The following SRD5A2 variants were observed in gnomAD, a reference collection of about 807,000 sequenced individuals.
SRD5A2 encodes the protein 3-oxo-5-alpha-steroid 4-dehydrogenase 2.
A neutral mutation model predicts 27.4 loss-of-function variants in SRD5A2; 30 were observed. That is an observed-to-expected ratio of 1.10 (90% CI 0.82 to 1.49). The LOEUF (loss-of-function observed/expected upper bound fraction) is 1.49. Ranked by LOEUF, SRD5A2 falls within the 40% of genes most tolerant of loss-of-function variation. The pLI is 0.00. For missense variants in SRD5A2, 348 were observed against 323.4 expected (o/e 1.08, Z -0.58); for synonymous variants, 141 against 133.6 (o/e 1.06, Z -0.38).
chr2:31,555,597 C>T (rs1386668201), intron 1 of SRD5A2, among the ~76,000 whole-genome samples: 1 of 152,146 alleles, frequency 6.6e-6, no homozygotes, highest in African/African-American at 2.4e-5. Flanking sequence ...GAGCCAAGAG[C>T]TGGAGAAAGA....
the SRD5A2 span, among the ~76,000 whole-genome samples, chr2:31,659,110 C>T: frequency 5.9e-4 from 90 of 151,932 alleles, no homozygotes; most frequent in Non-Finnish European, 7.5e-4. Flanking sequence ...ATGCAGAAAA[C>T]GCTTTTAATA....
chr2:31,632,673 G>A, the SRD5A2 span, among the ~76,000 whole-genome samples: 1 of 152,032 alleles, frequency 6.6e-6, no homozygotes. Flanking sequence ...ACTATCTGAG[G>A]GGTCCTAGGA....
chr2:31,597,730 T>C, the SRD5A2 span, among the ~76,000 whole-genome samples: 1 of 152,072 alleles, frequency 6.6e-6, no homozygotes, highest in Non-Finnish European at 1.5e-5. Flanking sequence ...ATCAGGGAAA[T>C]GCAAATCAAA....
At chr2:31,653,329 A>T in the SRD5A2 span, among the ~76,000 whole-genome samples, 4 of 152,278 alleles carry the variant, frequency 2.6e-5, no homozygotes, top group East Asian at 7.7e-4. Context: ...TCCATCTCAG[A>T]GTTTGAGTCC....
the SRD5A2 span, among the ~76,000 whole-genome samples, chr2:31,600,782 T>G: frequency 6.6e-6 from 1 of 151,876 alleles, no homozygotes; most frequent in Non-Finnish European, 1.5e-5. Context: ...AGCCAATATC[T>G]CTAATGAATA....
chr2:31,569,073 C>A (rs536832660), intron 1 of SRD5A2, among the ~76,000 whole-genome samples: 1 of 152,324 alleles, frequency 6.6e-6, no homozygotes, highest in African/African-American at 2.4e-5. Context: ...TGGGTGGCTG[C>A]AGCTGCGCCA....
rs200206626 is a variant in SRD5A2 at position 31,533,717 on chromosome 2, G to C, written c.331C>G (p.Leu111Val). The C allele has an allele frequency of 1.3e-6, 2 of 1,599,188 alleles. No homozygotes were observed. Among genetic ancestry groups the C allele is most frequent in the South Asian group, 1.1e-5 (1 of 87,606 alleles). The part of the protein sequence containing the change: ...LNRGRPYPAI[L>V]ILRGTAFCTG... ...CAGAAGGCAGTGCCTCTGAGAATGA[G>C]TATAGCTGGATAAGGCCTCCCTCGA... is the stretch of plus-strand genomic sequence containing the variant. The change falls in exon 2 of 5, where the codon CTC becomes GTC. Residue 111 changes from leucine (L) to valine (V), a missense_variant. Transcript: ENST00000622030.
At chr2:31,661,658 G>A in the SRD5A2 span, among the ~76,000 whole-genome samples, 44 of 152,192 alleles carry the variant, frequency 2.9e-4, 1 homozygote, top group Admixed American at 9.8e-4. Context: ...TTAGTTTTCC[G>A]TATATTTACC....
At chr2:31,655,150 G>C in the SRD5A2 span, among the ~76,000 whole-genome samples, 1 of 152,056 alleles carries the variant, frequency 6.6e-6, no homozygotes, top group Admixed American at 6.5e-5. Flanking sequence ...CTCCCAGGCT[G>C]GAGTACAGTG....
At chr2:31,588,604 T>A in the SRD5A2 span, among the ~76,000 whole-genome samples, 3 of 152,144 alleles carry the variant, frequency 2.0e-5, no homozygotes, top group Non-Finnish European at 4.4e-5. Context: ...ACACCAGACC[T>A]GTCCTACAAG....
chr2:31,643,756 G>A, the SRD5A2 span, among the ~76,000 whole-genome samples: 2 of 152,102 alleles, frequency 1.3e-5, no homozygotes, highest in South Asian at 4.1e-4. Flanking sequence ...GGAAATTTGA[G>A]CCTCAAAATA....
chr2:31,544,864 G>C (rs956814206), intron 1 of SRD5A2, among the ~76,000 whole-genome samples: 1 of 151,254 alleles, frequency 6.6e-6, no homozygotes, highest in Non-Finnish European at 1.5e-5. Flanking sequence ...AATAAAAGTG[G>C]GACATTACTA....
the SRD5A2 span, among the ~76,000 whole-genome samples, chr2:31,606,618 A>C: frequency 6.6e-6 from 1 of 151,830 alleles, no homozygotes; most frequent in Non-Finnish European, 1.5e-5. Flanking sequence ...CATTTTTAGT[A>C]AGGTTTTATT....
At chr2:31,538,571 C>T (rs1310416056) in intron 1 of SRD5A2, among the ~76,000 whole-genome samples, 1 of 152,144 alleles carries the variant, frequency 6.6e-6, no homozygotes, top group Non-Finnish European at 1.5e-5. Context: ...CTCTGAAAAC[C>T]TCCTTCATGA....
At chr2:31,653,393 C>T in the SRD5A2 span, among the ~76,000 whole-genome samples, 1 of 152,194 alleles carries the variant, frequency 6.6e-6, no homozygotes, top group South Asian at 2.1e-4. Context: ...ATCCCAAATC[C>T]TTCTCTTTGT....
chr2:31,552,694 G>A (rs988954868), intron 1 of SRD5A2, among the ~76,000 whole-genome samples: 3 of 152,150 alleles, frequency 2.0e-5, no homozygotes, highest in African/African-American at 7.2e-5. Context: ...TTTGATGGGG[G>A]CAGCTAAGAA....
chr2:31,592,037 T>A, the SRD5A2 span, among the ~76,000 whole-genome samples: 1 of 149,068 alleles, frequency 6.7e-6, no homozygotes, highest in African/African-American at 2.5e-5. Flanking sequence ...TGTGTACATA[T>A]GTAACAAACC....
chr2:31,525,953 C>T lies in SRD5A2; in HGVS notation c.*243G>A, dbSNP rs976236941. ...TCTCAGAGCAATAGCTAAGAAGCAACTGTCGCCATTTGGAAAAGTGGCTTT... is the reference window on the plus strand; with the variant it reads ...TCTCAGAGCAATAGCTAAGAAGCAATTGTCGCCATTTGGAAAAGTGGCTTT... On this transcript the variant is annotated 3_prime_UTR_variant, in exon 5 of 5. Coordinates refer to ENST00000622030, the MANE Select transcript of SRD5A2 (RefSeq NM_000348.4). 7.6e-6 allele frequency: 3 copies of T among 392,932 alleles called. No individual in the cohort carries two copies. Among genetic ancestry groups the T allele is most frequent in the African/African-American group, 6.1e-5 (3 of 49,172 alleles). The allele number at this position is 392,932 out of a possible 1,614,324, so 24.3% of individuals were successfully genotyped here.
Position 31,552,285 on chromosome 2 carries a change from T to C in SRD5A2, c.282-18519A>G, listed in dbSNP as rs1475575733. On this transcript the variant is annotated intron_variant, in intron 1 of 4. Transcript: ENST00000622030. Reference sequence around the variant, plus strand: ...GAAGAGCAATTACACTTTACCTATGTCAGCCTCTCCCCAAAGCCAGCACAG... The same window carrying C: ...GAAGAGCAATTACACTTTACCTATGCCAGCCTCTCCCCAAAGCCAGCACAG... Among the ~76,000 whole-genome samples the C allele has an allele frequency of 2.0e-5, 3 of 150,854 alleles. No individual in the cohort carries two copies. The East Asian group carries it at 5.8e-4, about 29-fold the overall frequency.
Sources: allele counts gnomAD v4.1 joint callset (sites outside exome capture counted in the v4.1 genomes callset), GRCh38; gene constraint gnomAD v4.1.1; transcripts MANE v1.5; gene names NCBI Gene and HGNC (gene_info 2026-07-23, HGNC 2026-07-21).